The following HS6ST3 variants were observed in gnomAD, a reference collection of about 807,000 sequenced individuals.
The protein encoded by HS6ST3 is heparan-sulfate 6-O-sulfotransferase 3.
HS6ST3 carries 12 observed loss-of-function variants against 36.7 expected under a neutral mutation model. The observed-to-expected ratio is 0.33, with a 90% CI of 0.21 to 0.53. The LOEUF (loss-of-function observed/expected upper bound fraction) is 0.53. Ranked by LOEUF, HS6ST3 falls within the 20% of genes least tolerant of loss-of-function variation. HS6ST3 has a pLI of 0.95. For synonymous variants in HS6ST3, 240 were observed against 257.5 expected, an observed-to-expected ratio of 0.93 and a Z score of 0.65; for missense variants, 584 against 640.9, an observed-to-expected ratio of 0.91 and a Z score of 0.96.
intron 1 of HS6ST3, among the ~76,000 whole-genome samples, chr13:96,531,266 C>G (rs2056134481): frequency 6.6e-6 from 1 of 152,132 alleles, no homozygotes; most frequent in African/African-American, 2.4e-5. Context: ...CCAAATTCTC[C>G]TGATTTGGTG....
intron 1 of HS6ST3, among the ~76,000 whole-genome samples, chr13:96,376,343 G>A (rs191226181): frequency 6.6e-6 from 1 of 152,258 alleles, no homozygotes; most frequent in African/African-American, 2.4e-5. Context: ...ATCATTGTAG[G>A]AGACTCTTGG....
intron 1 of HS6ST3, among the ~76,000 whole-genome samples, chr13:96,143,241 C>T (rs554808738): frequency 1.6e-4 from 24 of 151,890 alleles, no homozygotes; most frequent in Admixed American, 8.5e-4. Context: ...TAAAAATCCA[C>T]GGAGCTCCCC....
At chr13:96,145,750 T>C (rs1453418655) in intron 1 of HS6ST3, among the ~76,000 whole-genome samples, 4 of 152,180 alleles carry the variant, frequency 2.6e-5, no homozygotes, top group Non-Finnish European at 5.9e-5. Context: ...CTGTATGGTA[T>C]TGCCTAGGTT....
chr13:96,665,433 A>T (rs941246302), intron 1 of HS6ST3, among the ~76,000 whole-genome samples: 1 of 152,182 alleles, frequency 6.6e-6, no homozygotes, highest in Non-Finnish European at 1.5e-5. Flanking sequence ...CATTTTAATT[A>T]TGCATAAGTA....
intron 1 of HS6ST3, among the ~76,000 whole-genome samples, chr13:96,589,137 A>G (rs1027858277): frequency 2.0e-5 from 3 of 151,818 alleles, no homozygotes; most frequent in Non-Finnish European, 4.4e-5. Context: ...TCTTCATTAA[A>G]TGTTTGATAA....
intron 1 of HS6ST3, among the ~76,000 whole-genome samples, chr13:96,234,281 G>A (rs1012401017): frequency 1.8e-4 from 27 of 151,618 alleles, no homozygotes; most frequent in African/African-American, 6.3e-4. Flanking sequence ...ATGGTGGCAC[G>A]TGCCTGTAAT....
chr13:96,195,719 T>G (rs138590668), intron 1 of HS6ST3, among the ~76,000 whole-genome samples: 1 of 152,188 alleles, frequency 6.6e-6, no homozygotes, highest in Admixed American at 6.5e-5. Context: ...ACGCATTGCT[T>G]GGCTATTTCC....
At chr13:96,260,570 C>T (rs1022890500) in intron 1 of HS6ST3, among the ~76,000 whole-genome samples, 2 of 152,084 alleles carry the variant, frequency 1.3e-5, no homozygotes, top group African/African-American at 2.4e-5. Context: ...ACCTCGGCCT[C>T]CCAAACCAAA....
At chr13:96,296,403 A>T (rs567722280) in intron 1 of HS6ST3, among the ~76,000 whole-genome samples, 22 of 152,212 alleles carry the variant, frequency 1.4e-4, no homozygotes, top group Admixed American at 1.4e-3. Flanking sequence ...GAGAGATTAG[A>T]CTTTGATTTC....
At chr13:96,810,071 A>G (rs1272964652) in intron 1 of HS6ST3, among the ~76,000 whole-genome samples, 1 of 152,228 alleles carries the variant, frequency 6.6e-6, no homozygotes, top group Non-Finnish European at 1.5e-5. Flanking sequence ...AACAGCATCC[A>G]GTACCCTCTG....
At chr13:96,402,226 A>T (rs1436661301) in intron 1 of HS6ST3, among the ~76,000 whole-genome samples, 1 of 152,180 alleles carries the variant, frequency 6.6e-6, no homozygotes, top group Non-Finnish European at 1.5e-5. Flanking sequence ...AAACTATGAG[A>T]CCTTAAGTCA....
Position 96,583,780 on chromosome 13 carries a change from GAGA to G in HS6ST3, c.708-248709_708-248707del, listed in dbSNP as rs1445039255. ...TCATCAGTCAAGTCTTAACTCCAAT[GAGA>G]CCTCCTTAGAGAGGCCTCCCCTGAT... On this transcript the variant is annotated intron_variant, in intron 1 of 1. Transcript: ENST00000376705. Among the ~76,000 whole-genome samples the G allele has an allele frequency of 3.4e-4, 51 of 152,214 alleles. No individual in the cohort carries two copies. The South Asian group carries it at 9.5e-3, about 28-fold the overall frequency.
intron 1 of HS6ST3, among the ~76,000 whole-genome samples, chr13:96,466,122 A>G (rs1012392525): frequency 6.6e-6 from 1 of 152,052 alleles, no homozygotes; most frequent in African/African-American, 2.4e-5. Flanking sequence ...CTCTACTAAA[A>G]ATACAAAAAT....
At chr13:96,472,518 C>G (rs1385722333) in intron 1 of HS6ST3, among the ~76,000 whole-genome samples, 1 of 152,322 alleles carries the variant, frequency 6.6e-6, no homozygotes, top group Non-Finnish European at 1.5e-5. Flanking sequence ...CTCCATGATT[C>G]CATGAAACAC....
chr13:96,150,059 T>G (rs955104275), intron 1 of HS6ST3, among the ~76,000 whole-genome samples: 1 of 152,120 alleles, frequency 6.6e-6, no homozygotes, highest in African/African-American at 2.4e-5. Flanking sequence ...GTTCCTGCCA[T>G]CCGCAGCTTG....
intron 1 of HS6ST3, among the ~76,000 whole-genome samples, chr13:96,350,717 C>A (rs1035018082): frequency 1.3e-5 from 2 of 152,160 alleles, no homozygotes; most frequent in Non-Finnish European, 2.9e-5. Flanking sequence ...GATATAATAA[C>A]GAAATTGAAA....
intron 1 of HS6ST3, among the ~76,000 whole-genome samples, chr13:96,259,210 A>T (rs2054652512): frequency 6.6e-6 from 1 of 152,138 alleles, no homozygotes; most frequent in South Asian, 2.1e-4. Context: ...ACTTGTGCAC[A>T]GGCTGGAGGA....
At position 96,753,162 on chromosome 13, in the gene HS6ST3, A is replaced by G. The variant is rs566570163; in HGVS notation, c.708-79328A>G. Among the ~76,000 whole-genome samples, 14 of 152,312 alleles carry G rather than the reference A, an allele frequency of 9.2e-5. No homozygotes were observed. In the East Asian group the frequency reaches 2.5e-3, roughly 27 times the overall value. ...TTAATTGCTGTGGCATTAAATTGTT[A>G]TTATAAGGCAAGTTCTCACAAACTA... On this transcript the variant is annotated intron_variant, in intron 1 of 1. Transcript: ENST00000376705.
chr13:96,509,679 C>T (rs1469405804), intron 1 of HS6ST3, among the ~76,000 whole-genome samples: 1 of 152,134 alleles, frequency 6.6e-6, no homozygotes, highest in Non-Finnish European at 1.5e-5. Flanking sequence ...TTTCTGGGTT[C>T]TCTATTCTGT....
Sources: gnomAD v4.1 joint callset for allele counts (sites outside exome capture counted in the v4.1 genomes callset) on GRCh38, gnomAD v4.1.1 for gene constraint, MANE v1.5 for transcripts, NCBI Gene and HGNC (gene_info 2026-07-23, HGNC 2026-07-21) for gene names.